TLN2: variants seen among roughly 807,000 people sequenced by gnomAD.
TLN2 encodes talin-2.
In TLN2, 118 loss-of-function variants were observed where a neutral mutation model predicts 294.7. That is an observed-to-expected ratio of 0.40 (90% CI 0.34 to 0.47). The LOEUF is 0.47. Among genes scored for constraint, TLN2 ranks in the 20% least tolerant of loss-of-function variants. The pLI is 0.84. For synonymous variants in TLN2, 1,431 were observed against 1,304.5 expected, an observed-to-expected ratio of 1.10 and a Z score of -2.09; for missense variants, 3,083 against 3,282.2, an observed-to-expected ratio of 0.94 and a Z score of 1.48.
chr15:62,525,674 A>G (rs1324761597), intron 1 of TLN2, among the ~76,000 whole-genome samples: 1 of 152,226 alleles, frequency 6.6e-6, no homozygotes, highest in Admixed American at 6.5e-5. Flanking sequence ...CTCCTTCAGT[A>G]ACAGGGTTCT....
intron 4 of TLN2, among the ~76,000 whole-genome samples, chr15:62,648,495 T>C (rs1295775414): frequency 2.7e-5 from 4 of 149,936 alleles, no homozygotes; most frequent in African/African-American, 9.7e-5. Flanking sequence ...TGAAAAGATC[T>C]GCTTCTCATA....
intron 50 of TLN2, among the ~76,000 whole-genome samples, chr15:62,803,328 T>C (rs1033983359): frequency 6.6e-6 from 1 of 152,234 alleles, no homozygotes; most frequent in Non-Finnish European, 1.5e-5. Flanking sequence ...TGGTTGGTCT[T>C]CTATAACCTT....
At chr15:62,769,035 G>A (rs1421535824) in intron 41 of TLN2, among the ~76,000 whole-genome samples, 1 of 152,202 alleles carries the variant, frequency 6.6e-6, no homozygotes, top group Non-Finnish European at 1.5e-5. Context: ...TCATGGCCCA[G>A]CCATGCTACC....
chr15:62,406,549 A>T (rs987059075), intron 1 of TLN2, among the ~76,000 whole-genome samples: 51 of 152,186 alleles, frequency 3.4e-4, no homozygotes, highest in African/African-American at 8.9e-4. Flanking sequence ...ATTTATACCC[A>T]CTTTAATAAA....
intron 3 of TLN2, among the ~76,000 whole-genome samples, chr15:62,621,854 A>G (rs2048860798): frequency 6.6e-6 from 1 of 152,220 alleles, no homozygotes; most frequent in African/African-American, 2.4e-5. Flanking sequence ...ATTTTTCCTC[A>G]CAGAATTGCT....
At chr15:62,635,219 A>C (rs2050262436) in intron 3 of TLN2, among the ~76,000 whole-genome samples, 2 of 152,196 alleles carry the variant, frequency 1.3e-5, no homozygotes, top group Admixed American at 6.5e-5. Context: ...TTTTGTAAAA[A>C]TACTGATGAT....
intron 53 of TLN2, 40 bp downstream of exon 53, chr15:62,819,661 C>T: frequency 2.6e-6 from 4 of 1,563,306 alleles, no homozygotes; most frequent in Non-Finnish European, 3.5e-6. Flanking sequence ...GGCAACCCTC[C>T]CAGGCAGTGC....
At chr15:62,570,139 A>G (rs1057293231) in intron 1 of TLN2, among the ~76,000 whole-genome samples, 3 of 152,100 alleles carry the variant, frequency 2.0e-5, no homozygotes, top group African/African-American at 7.2e-5. Context: ...GTTGATGTGT[A>G]TGTGTTTCCA....
chr15:62,392,997 C>CT (rs149341642), intron 1 of TLN2, among the ~76,000 whole-genome samples: 407 of 149,132 alleles, frequency 2.7e-3, no homozygotes, highest in African/African-American at 7.6e-3. Context: ...ACACGAATGC[C>CT]TTTTTTTTTT....
intron 32 of TLN2, among the ~76,000 whole-genome samples, chr15:62,742,016 TGTA>T (rs1176876887): frequency 2.3e-4 from 30 of 129,026 alleles, no homozygotes; most frequent in Non-Finnish European, 4.8e-4. Context: ...CCTCTTGGCT[TGTA>T]GTGGGGTGTG....
intron 1 of TLN2, among the ~76,000 whole-genome samples, chr15:62,410,798 C>T (rs886116432): frequency 4.6e-5 from 7 of 152,308 alleles, no homozygotes; most frequent in South Asian, 2.1e-4. Context: ...GTGCAGAGAG[C>T]GAAGGGGCTT....
chr15:62,502,357 T>C (rs1478527879), intron 1 of TLN2, among the ~76,000 whole-genome samples: 1 of 152,206 alleles, frequency 6.6e-6, no homozygotes, highest in Admixed American at 6.5e-5. Flanking sequence ...CTTGTGAGAA[T>C]ATTAGTTTAG....
At chr15:62,423,033 C>T (rs2034501213) in intron 1 of TLN2, among the ~76,000 whole-genome samples, 1 of 152,164 alleles carries the variant, frequency 6.6e-6, no homozygotes, top group Non-Finnish European at 1.5e-5. Context: ...CTGGCTTCTC[C>T]CAGGGGGAAG....
intron 14 of TLN2, among the ~76,000 whole-genome samples, chr15:62,695,850 G>C (rs1170107487): frequency 6.6e-6 from 1 of 152,208 alleles, no homozygotes; most frequent in Non-Finnish European, 1.5e-5. Context: ...TCACTTCAGA[G>C]GACTCTGCTG....
Position 62,697,724 on chromosome 15 carries a change from G to A in TLN2, c.1329G>A (p.Gly443=). 1 of 1,605,598 alleles carries A rather than the reference G, an allele frequency of 6.2e-7. No individual in the cohort carries two copies. The highest frequency in any genetic ancestry group is 8.5e-7 in the Non-Finnish European group (1 of 1,173,690). Residue 443 remains glycine (G), a synonymous_variant, in exon 15 of 59, where the codon GGG becomes GGA. Coordinates refer to ENST00000636159, the MANE Select transcript of TLN2 (RefSeq NM_015059.3). The stretch of plus-strand genomic sequence containing the variant: ...TGCAGCAGCAGTTCAACCGGACCGG[G>A]AAGGCAGAGCACGGCTCAGTGGCGC... ...TILQQQFNRT[G]KAEHGSVALP...
intron 57 of TLN2, among the ~76,000 whole-genome samples, chr15:62,837,902 C>T (rs756655894): frequency 1.4e-4 from 21 of 152,118 alleles, no homozygotes; most frequent in Non-Finnish European, 2.5e-4. Flanking sequence ...TTTCTGATGG[C>T]GAACCCTCAA....
chr15:62,450,937 T>C (rs2036101007), intron 1 of TLN2, among the ~76,000 whole-genome samples: 1 of 151,452 alleles, frequency 6.6e-6, no homozygotes, highest in African/African-American at 2.4e-5. Flanking sequence ...ATGTATGGTC[T>C]GAGGATCCCT....
chr15:62,544,184 A>C (rs2041860232), intron 1 of TLN2, among the ~76,000 whole-genome samples: 1 of 152,184 alleles, frequency 6.6e-6, no homozygotes, highest in Admixed American at 6.5e-5. Flanking sequence ...CTTAAAAATG[A>C]TATTTCTTGT....
At chr15:62,521,710 C>G (rs1180835974) in intron 1 of TLN2, among the ~76,000 whole-genome samples, 5 of 152,134 alleles carry the variant, frequency 3.3e-5, no homozygotes, top group African/African-American at 9.7e-5. Context: ...CTCAGTTAAT[C>G]TCTCCTAGAT....
Sources: allele counts gnomAD v4.1 joint callset (sites outside exome capture counted in the v4.1 genomes callset), GRCh38; gene constraint gnomAD v4.1.1; transcripts MANE v1.5; gene names NCBI Gene and HGNC (gene_info 2026-07-23, HGNC 2026-07-21).